Variants in ARHGAP22 observed in about 807,000 individuals in gnomAD.
ARHGAP22 encodes rho GTPase-activating protein 22.
Under a neutral mutation model 59.1 loss-of-function variants are expected in ARHGAP22, and 48 were observed. The observed-to-expected ratio is 0.81, with a 90% CI of 0.64 to 1.03. ARHGAP22 has a LOEUF of 1.03. Ranked by LOEUF, ARHGAP22 falls within the 50% of genes least tolerant of loss-of-function variation. The pLI, the probability that ARHGAP22 is intolerant of heterozygous loss-of-function variation, is 0.00. For missense variants in ARHGAP22, 1,015 were observed against 958.7 expected, an observed-to-expected ratio of 1.06 and a Z score of -0.78; for synonymous variants, 445 against 416.4, an observed-to-expected ratio of 1.07 and a Z score of -0.84.
chr10:48,642,872 G>A (rs2136167901), intron 1 of ARHGAP22, among the ~76,000 whole-genome samples: 1 of 151,716 alleles, frequency 6.6e-6, no homozygotes, highest in Non-Finnish European at 1.5e-5. Context: ...AATCTACAAA[G>A]AACTCAAACA....
At chr10:48,590,840 C>A (rs183251208) in intron 1 of ARHGAP22, among the ~76,000 whole-genome samples, 1 of 142,936 alleles carries the variant, frequency 7.0e-6, no homozygotes, top group African/African-American at 2.6e-5. Flanking sequence ...AGAAATTCAG[C>A]GCATGGGCAG....
intron 2 of ARHGAP22, among the ~76,000 whole-genome samples, chr10:48,576,666 T>C (rs2135545352): frequency 6.6e-6 from 1 of 151,918 alleles, no homozygotes; most frequent in Middle Eastern, 3.4e-3. Flanking sequence ...GAATCAAGAG[T>C]TCTACACGGC....
intron 3 of ARHGAP22, among the ~76,000 whole-genome samples, chr10:48,511,866 G>A (rs1272469877): frequency 6.6e-6 from 1 of 152,222 alleles, no homozygotes; most frequent in Non-Finnish European, 1.5e-5. Flanking sequence ...CCTCTCTGCC[G>A]CTTCTGTGGG....
chr10:48,504,214 T>A (rs2051837350), intron 3 of ARHGAP22, among the ~76,000 whole-genome samples: 3 of 152,114 alleles, frequency 2.0e-5, no homozygotes, highest in African/African-American at 7.2e-5. Context: ...AGTCATCCAA[T>A]GGCCAAGGGT....
At chr10:48,596,002 T>C (rs1337222942) in intron 1 of ARHGAP22, among the ~76,000 whole-genome samples, 2 of 145,744 alleles carry the variant, frequency 1.4e-5, no homozygotes, top group Non-Finnish European at 3.0e-5. Context: ...TTTTAAGTAG[T>C]GATTAGGTAG....
At chr10:48,562,710 T>C (rs1045693694) in intron 2 of ARHGAP22, among the ~76,000 whole-genome samples, 5 of 152,224 alleles carry the variant, frequency 3.3e-5, no homozygotes, top group African/African-American at 4.8e-5. Context: ...GCCTTGATTG[T>C]GGTGATAGTG....
At chr10:48,555,679 T>A in intron 2 of ARHGAP22, 129 bp from the exon 3 acceptor site, 1 of 799,906 alleles carries the variant, frequency 1.3e-6, no homozygotes, top group Non-Finnish European at 2.1e-6. Flanking sequence ...AGGCTGGGCC[T>A]CAGAGAGGGG....
intron 3 of ARHGAP22, among the ~76,000 whole-genome samples, chr10:48,525,202 G>C (rs1464502387): frequency 6.6e-6 from 1 of 152,194 alleles, no homozygotes; most frequent in Non-Finnish European, 1.5e-5. Context: ...ACATGCCCAG[G>C]AAAGTCTATG....
rs149229741 is a variant in ARHGAP22 at position 48,637,003 on chromosome 10, G to A, written c.52+15231C>T. Among the ~76,000 whole-genome samples, 9 of 152,364 alleles carry A rather than the reference G, an allele frequency of 5.9e-5. No individual in the cohort carries two copies. In the East Asian group the frequency reaches 1.5e-3, roughly 26 times the overall value. ...ATGGCCAGGACTTTAGCTTCATTCT[G>A]AGAGCTCCAGCGTGAAGGGCCAGAA... On this transcript the variant is annotated intron_variant, in intron 1 of 9. Transcript: ENST00000435790.
intron 2 of ARHGAP22, among the ~76,000 whole-genome samples, chr10:48,577,592 T>C (rs952290229): frequency 6.6e-6 from 1 of 152,058 alleles, no homozygotes; most frequent in Admixed American, 6.5e-5. Flanking sequence ...GACTGGGGCC[T>C]AAGGAACTGG....
chr10:48,585,403 T>C (rs914008179), intron 1 of ARHGAP22, among the ~76,000 whole-genome samples: 12 of 152,296 alleles, frequency 7.9e-5, no homozygotes, highest in African/African-American at 2.9e-4. Flanking sequence ...TCTTAACTTG[T>C]CTTTTCTCAT....
intron 9 of ARHGAP22, among the ~76,000 whole-genome samples, chr10:48,448,106 A>G (rs1014750275): frequency 2.0e-5 from 3 of 151,984 alleles, no homozygotes; most frequent in Non-Finnish European, 2.9e-5. Flanking sequence ...GCGGCTTCTC[A>G]CTTCATTCTC....
chr10:48,625,486 C>T (rs546635484), intron 1 of ARHGAP22, among the ~76,000 whole-genome samples: 8 of 152,238 alleles, frequency 5.3e-5, no homozygotes, highest in African/African-American at 9.6e-5. Flanking sequence ...CATTATGCTG[C>T]GTTGCAGTTC....
chr10:48,585,076 G>T (rs1262209253), intron 1 of ARHGAP22, among the ~76,000 whole-genome samples: 1 of 152,142 alleles, frequency 6.6e-6, no homozygotes, highest in Non-Finnish European at 1.5e-5. Flanking sequence ...AAAGCTGAGT[G>T]TTGAGAGAGA....
At chr10:48,643,659 G>A (rs1220238081) in intron 1 of ARHGAP22, among the ~76,000 whole-genome samples, 2 of 151,240 alleles carry the variant, frequency 1.3e-5, no homozygotes, top group Non-Finnish European at 2.9e-5. Context: ...TGTAAATGAC[G>A]AGTTAATGGG....
chr10:48,431,234 A>G, the ARHGAP22 span: 1 of 1,612,306 alleles, frequency 6.2e-7, no homozygotes, highest in Non-Finnish European at 8.5e-7. Flanking sequence ...GGAGAGAACC[A>G]AGAATGGAGT....
At chr10:48,455,930 G>GC in intron 5 of ARHGAP22, among the ~76,000 whole-genome samples, 1 of 152,278 alleles carries the variant, frequency 6.6e-6, no homozygotes, top group East Asian at 1.9e-4. Flanking sequence ...CCTCTCCAGT[G>GC]CCCCAGGAGT....
chr10:48,444,810 T>C (rs147478502), downstream of ARHGAP22: 30 of 152,352 alleles, frequency 2.0e-4, no homozygotes, highest in African/African-American at 7.2e-4. Context: ...TCTACTTCAC[T>C]GCATTGCTGT....
At chr10:48,577,434 T>C (rs2058788964) in intron 2 of ARHGAP22, among the ~76,000 whole-genome samples, 1 of 152,116 alleles carries the variant, frequency 6.6e-6, no homozygotes, top group South Asian at 2.1e-4. Context: ...CTGGGTGGCG[T>C]CGGAGGATGG....
Sources: gnomAD v4.1 joint callset for allele counts (sites outside exome capture counted in the v4.1 genomes callset) on GRCh38, gnomAD v4.1.1 for gene constraint, MANE v1.5 for transcripts, NCBI Gene and HGNC (gene_info 2026-07-23, HGNC 2026-07-21) for gene names.